The following ABI2 variants were observed in gnomAD, a reference collection of about 807,000 sequenced individuals.
ABI2 encodes abl interactor 2.
Under a neutral mutation model 59.2 loss-of-function variants are expected in ABI2, and 25 were observed. That is an observed-to-expected ratio of 0.42 (90% CI 0.31 to 0.59). The LOEUF (loss-of-function observed/expected upper bound fraction) is 0.59, where lower values mean the gene tolerates loss of function less well. Among genes scored for constraint, ABI2 ranks in the 20% least tolerant of loss-of-function variants. The pLI is 0.14. For synonymous variants in ABI2, 213 were observed against 235.5 expected, an observed-to-expected ratio of 0.90 and a Z score of 0.87; for missense variants, 545 against 681.8, an observed-to-expected ratio of 0.80 and a Z score of 2.23.
intron 2 of ABI2, 78 bp from the exon 3 acceptor site, chr2:203,380,130 T>C (rs1280050971): frequency 1.2e-6 from 1 of 851,572 alleles, no homozygotes; most frequent in Non-Finnish European, 1.7e-6. Flanking sequence ...ATATTAAATC[T>C]CTAGGCATAT....
intron 1 of ABI2, among the ~76,000 whole-genome samples, chr2:203,366,192 G>A (rs932428408): frequency 1.2e-4 from 18 of 152,094 alleles, no homozygotes; most frequent in Non-Finnish European, 2.2e-4. Context: ...GGTGGCTCAT[G>A]CCTGTAATCC....
rs1219249654 is a variant in ABI2 at position 203,396,838 on chromosome 2, C to G, written c.904C>G (p.Pro302Ala). Residue 302 changes from proline (P) to alanine (A), a missense_variant, in exon 8 of 12, where the codon CCT becomes GCT. Pro to Ala is a conservative substitution (Grantham distance 27). Coordinates refer to ENST00000261018, the MANE Select transcript of ABI2 (RefSeq NM_001375670.1). Reference protein sequence around the residue: ...PPLPATSASAPAPLVPATVPS... With the variant: ...PPLPATSASAAAPLVPATVPS... ...CCTTCCTGCTACTTCTGCATCTGCCCCTGCTCCTCTTGTTCCTGCTACTGT... is the reference window on the plus strand; with the variant it reads ...CCTTCCTGCTACTTCTGCATCTGCCGCTGCTCCTCTTGTTCCTGCTACTGT... 2 of 1,535,264 alleles carry G rather than the reference C, an allele frequency of 1.3e-6. No individual in the cohort carries two copies. The highest frequency in any genetic ancestry group is 2.4e-5 in the South Asian group (2 of 83,868).
At chr2:203,331,948 T>G (rs1370902578) in intron 1 of ABI2, among the ~76,000 whole-genome samples, 2 of 151,786 alleles carry the variant, frequency 1.3e-5, no homozygotes, top group African/African-American at 4.8e-5. Flanking sequence ...TAGCTGGGAT[T>G]ACAGGCACGT....
chr2:203,413,210 C>T (rs2097754120), intron 10 of ABI2, among the ~76,000 whole-genome samples: 1 of 152,104 alleles, frequency 6.6e-6, no homozygotes, highest in Non-Finnish European at 1.5e-5. Flanking sequence ...GAAGACTAAT[C>T]CATTAATGAA....
chr2:203,414,311 A>T (rs929991949), intron 10 of ABI2, among the ~76,000 whole-genome samples: 4 of 152,058 alleles, frequency 2.6e-5, no homozygotes, highest in Non-Finnish European at 2.9e-5. Context: ...CATATTGGCC[A>T]GGCTGGGCTT....
In ABI2 at chr2:203,376,561, C is replaced by T. The variant is rs78643187; in HGVS notation, c.286-3647C>T. On this transcript the variant is annotated intron_variant, in intron 2 of 11. Transcript: ENST00000261018. ...CAAATATATTTTTAAAGAATTTAATCCTGGGAAACATTTCACTTTCCTGAT... is the reference window on the plus strand; with the variant it reads ...CAAATATATTTTTAAAGAATTTAATTCTGGGAAACATTTCACTTTCCTGAT... Among the ~76,000 whole-genome samples, 801 of 152,166 alleles carry T rather than the reference C, an allele frequency of 5.3e-3. 26 individuals are homozygous for T. In the East Asian group the frequency reaches 0.081, roughly 15 times the overall value.
chr2:203,402,662 C>G lies in ABI2; in HGVS notation c.1120C>G (p.Pro374Ala). ...TIGGSLPYRR[P>A]PSITSQTSLQ... ...AGGGGGCTCGTTGCCCTATAGACGC[C>G]CTCCTTCCATTACTTCACAAACAAG... Residue 374 changes from proline to alanine, a missense_variant, in exon 9 of 12, where the codon CCT becomes GCT. By Grantham distance (27) the Pro-to-Ala change is conservative. This residue lies in a region of ABI2 where 410 missense variants were observed against 435.6 expected (regional missense o/e 0.94). Transcript: ENST00000261018. 6.2e-7 allele frequency: 1 copy of G among 1,606,572 alleles called. No homozygotes were observed. The highest frequency in any genetic ancestry group is 8.5e-7 in the Non-Finnish European group (1 of 1,177,352).
At position 203,428,589 on chromosome 2, in the gene ABI2, AATT is replaced by A. The variant is rs2098459034; in HGVS notation, c.*1239_*1241del. On this transcript the variant is annotated 3_prime_UTR_variant, in exon 12 of 12. Transcript: ENST00000261018. ...ATATGTATCTAATCACATTGATAAA[AATT>A]AATATAACTGACACAATAAAACACA... 1 of 152,096 alleles carries A rather than the reference AATT, an allele frequency of 6.6e-6. No homozygotes were observed. The highest frequency in any genetic ancestry group is 2.1e-4 in the South Asian group (1 of 4,830). The allele number at this position is 152,096 out of a possible 1,614,324, so 9.4% of individuals were successfully genotyped here.
chr2:203,422,734 G>T (rs1324149668), intron 11 of ABI2, among the ~76,000 whole-genome samples: 2 of 152,096 alleles, frequency 1.3e-5, no homozygotes, highest in African/African-American at 2.4e-5. Flanking sequence ...AGTGGTAGGG[G>T]CAGAAGGAAT....
intron 1 of ABI2, among the ~76,000 whole-genome samples, chr2:203,350,323 C>A (rs941293611): frequency 6.6e-6 from 1 of 152,110 alleles, no homozygotes; most frequent in East Asian, 1.9e-4. Flanking sequence ...GTGATCCTCC[C>A]GCCTCGTGAC....
Position 203,367,064 on chromosome 2 carries a change from C to T in ABI2, c.285+20C>T. The T allele has an allele frequency of 1.9e-6, 3 of 1,600,760 alleles. No homozygotes were observed. Among genetic ancestry groups the T allele is most frequent in the Non-Finnish European group, 2.6e-6 (3 of 1,172,016 alleles). On this transcript the variant is annotated intron_variant, in intron 2 of 11. Coordinates refer to ENST00000261018, the MANE Select transcript of ABI2 (RefSeq NM_001375670.1). ...TCACAAGTGAGACCACAATATTTTCCTATTTGCCTATGAGGAACCCTTAAT... is the reference window on the plus strand; with the variant it reads ...TCACAAGTGAGACCACAATATTTTCTTATTTGCCTATGAGGAACCCTTAAT...
chr2:203,378,417 GT>G (rs529272239), intron 2 of ABI2, among the ~76,000 whole-genome samples: 2 of 151,908 alleles, frequency 1.3e-5, no homozygotes, highest in South Asian at 2.1e-4. Context: ...GGCTGAGATT[GT>G]TTTTTTCTTG....
intron 2 of ABI2, among the ~76,000 whole-genome samples, chr2:203,378,585 T>C (rs1444468146): frequency 6.6e-6 from 1 of 152,212 alleles, no homozygotes; most frequent in Non-Finnish European, 1.5e-5. Context: ...GCTTACCTCA[T>C]ACTTGAGGCA....
intron 11 of ABI2, among the ~76,000 whole-genome samples, chr2:203,423,564 T>C (rs962801476): frequency 6.6e-6 from 1 of 152,224 alleles, no homozygotes; most frequent in Admixed American, 6.5e-5. Flanking sequence ...TAGCTGGGAC[T>C]ACAGGCGCCG....
intron 9 of ABI2, among the ~76,000 whole-genome samples, chr2:203,404,652 G>A (rs1480276379): frequency 2.0e-5 from 3 of 152,016 alleles, no homozygotes; most frequent in Non-Finnish European, 4.4e-5. Flanking sequence ...TCTACCTCCC[G>A]GGTTCAAGCG....
chr2:203,365,401 A>G (rs1327436012), intron 1 of ABI2, among the ~76,000 whole-genome samples: 1 of 152,194 alleles, frequency 6.6e-6, no homozygotes, highest in Non-Finnish European at 1.5e-5. Flanking sequence ...TTCATCATTA[A>G]ATGAGTTCAT....
chr2:203,343,026 TG>T (rs1163626522), intron 1 of ABI2, among the ~76,000 whole-genome samples: 1 of 152,150 alleles, frequency 6.6e-6, no homozygotes, highest in African/African-American at 2.4e-5. Flanking sequence ...ATGAGATCTG[TG>T]GAAGAAGAAA....
intron 1 of ABI2, among the ~76,000 whole-genome samples, chr2:203,364,180 G>A (rs1446495213): frequency 8.0e-5 from 12 of 150,760 alleles, no homozygotes; most frequent in East Asian, 2.0e-4. Context: ...TGCAACCCCC[G>A]CCTCCTGGGT....
At chr2:203,418,984 C>T (rs2098046417) in intron 11 of ABI2, among the ~76,000 whole-genome samples, 1 of 152,092 alleles carries the variant, frequency 6.6e-6, no homozygotes, top group South Asian at 2.1e-4. Context: ...ATAAGAATGA[C>T]TGCATGGTTC....
Sources: allele counts gnomAD v4.1 joint callset (sites outside exome capture counted in the v4.1 genomes callset), GRCh38; gene constraint gnomAD v4.1.1; regional missense constraint gnomAD v4.1.1; transcripts MANE v1.5; gene names NCBI Gene and HGNC (gene_info 2026-07-23, HGNC 2026-07-21).